Variants in ANO5 observed in about 807,000 individuals in gnomAD.
ANO5 encodes the protein anoctamin 5.
ANO5 carries 109 observed loss-of-function variants against 121.0 expected under a neutral mutation model. That is an observed-to-expected ratio of 0.90 (90% confidence interval 0.77 to 1.06). The LOEUF (loss-of-function observed/expected upper bound fraction) is 1.06, where lower values mean the gene tolerates loss of function less well. Ranked by LOEUF, ANO5 falls within the 50% of genes least tolerant of loss-of-function variation. The pLI is 0.00. For missense variants in ANO5, 1,064 were observed against 1,078.5 expected (o/e 0.99, Z 0.19); for synonymous variants, 406 against 359.9 (o/e 1.13, Z -1.45).
intron 7 of ANO5, among the ~76,000 whole-genome samples, chr11:22,231,356 G>A (rs1853035372): frequency 1.3e-5 from 2 of 151,376 alleles, no homozygotes; most frequent in African/African-American, 4.9e-5. Flanking sequence ...TTTTTTAATT[G>A]TACGACTGAA....
In ANO5 at chr11:22,193,655, TG is replaced by T. The variant is rs138674701; in HGVS notation, c.40+124del. On this transcript the variant is annotated intron_variant, in intron 1 of 21. Coordinates refer to ENST00000324559, the MANE Select transcript of ANO5 (RefSeq NM_213599.3). Reference sequence around the variant, plus strand: ...CGGCCTGAGTCCTAGGGAGGTTCGCTGCGTGGCGTGCTCAGCGCGAAACCGG... The same window carrying T: ...CGGCCTGAGTCCTAGGGAGGTTCGCTCGTGGCGTGCTCAGCGCGAAACCGG... 1.4e-4 allele frequency: 179 copies of T among 1,250,960 alleles called. No individual in the cohort carries two copies. In the African/African-American group the frequency reaches 2.4e-3, roughly 17 times the overall value. 77.5% of individuals were successfully genotyped at this position (1,250,960 alleles called of 1,614,324 possible).
At chr11:22,199,956 T>G (rs1380672250) in intron 1 of ANO5, among the ~76,000 whole-genome samples, 1 of 152,158 alleles carries the variant, frequency 6.6e-6, no homozygotes, top group Non-Finnish European at 1.5e-5. Flanking sequence ...ACTGCTGCAT[T>G]AAAATCTATT....
rs1564957208 is a variant in ANO5 at position 22,279,879 on chromosome 11, C to CT, written c.*125dup. On this transcript the variant is annotated 3_prime_UTR_variant, in exon 22 of 22. Transcript: ENST00000324559. Reference sequence around the variant, plus strand: ...TTTACCCTTTCTTTTTTTTTTTTTTCTTTTTTTTTTTAAACTCAAAGTTTT... The same window carrying CT: ...TTTACCCTTTCTTTTTTTTTTTTTTCTTTTTTTTTTTTAAACTCAAAGTTTT... The CT allele has an allele frequency of 2.0e-4, 78 of 386,960 alleles. No homozygotes were observed. Among genetic ancestry groups the CT allele is most frequent in the South Asian group, 3.7e-4 (11 of 29,582 alleles). 24.0% of individuals were successfully genotyped at this position (386,960 alleles called of 1,614,324 possible).
At chr11:22,225,885 G>C in intron 5 of ANO5, 99 bp from the exon 6 acceptor site, 2 of 869,258 alleles carry the variant, frequency 2.3e-6, no homozygotes, top group Non-Finnish European at 1.9e-6. Flanking sequence ...GGGGCAGAGA[G>C]CCATCCAGAG....
intron 9 of ANO5, among the ~76,000 whole-genome samples, chr11:22,242,708 A>G (rs1055526561): frequency 2.0e-5 from 3 of 152,084 alleles, no homozygotes; most frequent in African/African-American, 7.2e-5. Context: ...TTATTGCCAT[A>G]TAGAAAGCTA....
chr11:22,198,596 G>C (rs924185936), intron 1 of ANO5, among the ~76,000 whole-genome samples: 7 of 152,106 alleles, frequency 4.6e-5, no homozygotes, highest in African/African-American at 1.4e-4. Context: ...AGGAAAAAGA[G>C]GGGCTAGTGT....
At chr11:22,216,822 T>G (rs1852461500) in intron 3 of ANO5, among the ~76,000 whole-genome samples, 1 of 151,890 alleles carries the variant, frequency 6.6e-6, no homozygotes, top group Admixed American at 6.6e-5. Flanking sequence ...AGTTTTTATG[T>G]TTAGGTCTGT....
chr11:22,203,365 T>A (rs1278670919), intron 1 of ANO5, among the ~76,000 whole-genome samples: 3 of 152,142 alleles, frequency 2.0e-5, no homozygotes, highest in African/African-American at 7.2e-5. Flanking sequence ...TACTCTGGCC[T>A]GTGTAGAAAC....
chr11:22,198,010 GTGTCTGAGTC>G (rs1163027703), intron 1 of ANO5, among the ~76,000 whole-genome samples: 1 of 152,194 alleles, frequency 6.6e-6, no homozygotes, highest in Non-Finnish European at 1.5e-5. Flanking sequence ...GAGTATGAAA[GTGTCTGAGTC>G]TATGGTCTGT....
chr11:22,279,860 CTTTCT>C lies in ANO5; in HGVS notation c.*99_*103del, dbSNP rs1359762791. 9 of 1,006,174 alleles carry C rather than the reference CTTTCT, an allele frequency of 8.9e-6. No individual in the cohort carries two copies. Among genetic ancestry groups the C allele is most frequent in the African/African-American group, 4.9e-5 (2 of 40,788 alleles). The allele number at this position is 1,006,174 out of a possible 1,614,324, so 62.3% of individuals were successfully genotyped here. A position where few individuals can be genotyped will look rare whatever the true frequency, so the allele number is the denominator to read the frequency against. ...CCAGAAGCCATGTGTCAATTTTACC[CTTTCT>C]TTTTTTTTTTTTTCTTTTTTTTTTT... On this transcript the variant is annotated 3_prime_UTR_variant, in exon 22 of 22. Coordinates refer to ENST00000324559, the MANE Select transcript of ANO5 (RefSeq NM_213599.3).
chr11:22,232,072 C>G (rs187510891), intron 7 of ANO5, among the ~76,000 whole-genome samples: 4 of 152,106 alleles, frequency 2.6e-5, no homozygotes, highest in African/African-American at 9.6e-5. Context: ...TAACTTCTTA[C>G]AGCAGAGATT....
At chr11:22,215,049 T>C (rs1265776120) in intron 3 of ANO5, among the ~76,000 whole-genome samples, 1 of 151,962 alleles carries the variant, frequency 6.6e-6, no homozygotes, top group Non-Finnish European at 1.5e-5. Flanking sequence ...ACTATTATGC[T>C]TAAGAGAACC....
Position 22,193,487 on chromosome 11 carries a change from G to C in ANO5, c.-6G>C, listed in dbSNP as rs1335295587. The C allele has an allele frequency of 6.2e-7, 1 of 1,612,260 alleles. No homozygotes were observed. Among genetic ancestry groups the C allele is most frequent in the African/African-American group, 1.3e-5 (1 of 74,922 alleles). ...AGGCACCAGTGCCATTAACGAGCTG[G>C]CGAAGATGGGCGACCCGGATCTCCT... On this transcript the variant is annotated 5_prime_UTR_variant, in exon 1 of 22. Coordinates refer to ENST00000324559, the MANE Select transcript of ANO5 (RefSeq NM_213599.3).
At chr11:22,272,010 A>G (rs923212337) in intron 18 of ANO5, among the ~76,000 whole-genome samples, 5 of 152,198 alleles carry the variant, frequency 3.3e-5, no homozygotes, top group African/African-American at 1.2e-4. Flanking sequence ...TGGAGGAATA[A>G]CGGAAATTTT....
chr11:22,257,613 C>A, intron 13 of ANO5, 67 bp from the exon 14 acceptor site: 1 of 1,286,390 alleles, frequency 7.8e-7, no homozygotes, highest in Non-Finnish European at 1.1e-6. Context: ...GTGATATTGA[C>A]TAGTGCTTGG....
chr11:22,258,331 C>G (rs1251945553), intron 14 of ANO5, among the ~76,000 whole-genome samples: 1 of 152,030 alleles, frequency 6.6e-6, no homozygotes, highest in Non-Finnish European at 1.5e-5. Context: ...TATTTTAAAA[C>G]AGTAAAAATA....
chr11:22,252,655 C>T (rs186542078), intron 12 of ANO5, among the ~76,000 whole-genome samples: 8 of 151,972 alleles, frequency 5.3e-5, no homozygotes, highest in African/African-American at 1.9e-4. Flanking sequence ...TGATCTCATT[C>T]GTAGTCAATG....
chr11:22,280,181 C>T lies in ANO5; in HGVS notation c.*416C>T, dbSNP rs1855030322. On this transcript the variant is annotated 3_prime_UTR_variant, in exon 22 of 22. Transcript: ENST00000324559. Reference sequence around the variant, plus strand: ...TTCCCCATTAAGAAAAATGTTGGGGCAAAAAGAAATGGATCAAAGAGACTG... The same window carrying T: ...TTCCCCATTAAGAAAAATGTTGGGGTAAAAAGAAATGGATCAAAGAGACTG... 1 of 184,090 alleles carries T rather than the reference C, an allele frequency of 5.4e-6. No homozygotes were observed. The highest frequency in any genetic ancestry group is 5.5e-5 in the Admixed American group (1 of 18,052). The allele number at this position is 184,090 out of a possible 1,614,324, so 11.4% of individuals were successfully genotyped here.
Position 22,280,906 on chromosome 11 carries a change from TAAC to T in ANO5, c.*1145_*1147del, listed in dbSNP as rs1335588693. 1.3e-5 allele frequency: 2 copies of T among 152,122 alleles called. No individual in the cohort carries two copies. Among genetic ancestry groups the T allele is most frequent in the South Asian group, 2.1e-4 (1 of 4,820 alleles). 9.4% of individuals were successfully genotyped at this position (152,122 alleles called of 1,614,324 possible). A position where few individuals can be genotyped will look rare whatever the true frequency, so the allele number is the denominator to read the frequency against. On this transcript the variant is annotated 3_prime_UTR_variant, in exon 22 of 22. Coordinates refer to ENST00000324559, the MANE Select transcript of ANO5 (RefSeq NM_213599.3). ...TGTCTTAATGAAATTGTCAGTGTAATAACAACTACAGTCTTGAAAACCAAAAGT... is the reference window on the plus strand; with the variant it reads ...TGTCTTAATGAAATTGTCAGTGTAATAACTACAGTCTTGAAAACCAAAAGT...
Sources: allele counts gnomAD v4.1 joint callset (sites outside exome capture counted in the v4.1 genomes callset), GRCh38; gene constraint gnomAD v4.1.1; transcripts MANE v1.5; gene names NCBI Gene and HGNC (gene_info 2026-07-23, HGNC 2026-07-21).